ZFPM1: variants seen among roughly 807,000 people sequenced by gnomAD.
ZFPM1 encodes zinc finger protein, FOG family member 1.
Under a neutral mutation model 46.3 loss-of-function variants are expected in ZFPM1, and 28 were observed. The ratio of observed to expected loss-of-function variants is 0.60; its 90% CI spans 0.45 to 0.83. The LOEUF is 0.83. Among genes scored for constraint, ZFPM1 ranks in the 40% least tolerant of loss-of-function variants. The pLI, the probability that ZFPM1 is intolerant of heterozygous loss-of-function variation, is 0.00. For synonymous variants in ZFPM1, 957 were observed against 675.9 expected, an observed-to-expected ratio of 1.42 and a Z score of -6.45; for missense variants, 1,878 against 1,432.4, an observed-to-expected ratio of 1.31 and a Z score of -5.02.
intron 2 of ZFPM1, among the ~76,000 whole-genome samples, chr16:88,486,258 T>A (rs896312075): frequency 6.6e-6 from 1 of 152,226 alleles, no homozygotes; most frequent in Non-Finnish European, 1.5e-5. Flanking sequence ...ACCTGCTGCA[T>A]GTGCAGCCTG....
intron 3 of ZFPM1, among the ~76,000 whole-genome samples, chr16:88,500,599 G>A (rs546078884): frequency 6.6e-6 from 1 of 152,348 alleles, no homozygotes; most frequent in East Asian, 1.9e-4. Flanking sequence ...TAGGACTGTT[G>A]CTGCCAGCAG....
chr16:88,460,116 G>A lies in ZFPM1; in HGVS notation c.40+6438G>A, dbSNP rs553303426. 5.9e-5 allele frequency among the ~76,000 whole-genome samples: 9 copies of A among 152,176 alleles called. 1 individual carries two copies. The South Asian group carries it at 1.2e-3, about 21-fold the overall frequency. On this transcript the variant is annotated intron_variant, in intron 1 of 9. Coordinates refer to ENST00000319555, the MANE Select transcript of ZFPM1 (RefSeq NM_153813.3). ...TCTTGGGCTGGGGCTTCCCTTTGGC[G>A]AAGGCAGCGAGGAGGGGCTGAGATG...
chr16:88,488,238 C>A (rs887028923), intron 2 of ZFPM1, among the ~76,000 whole-genome samples: 1 of 151,756 alleles, frequency 6.6e-6, no homozygotes, highest in Non-Finnish European at 1.5e-5. Flanking sequence ...TGACCCGGGC[C>A]GGCTTCCCGG....
chr16:88,478,386 T>A (rs115850011), intron 1 of ZFPM1, among the ~76,000 whole-genome samples: 267 of 152,362 alleles, frequency 1.8e-3, no homozygotes, highest in African/African-American at 6.2e-3. Context: ...TGCAGGGCAC[T>A]CTTCCCGCCT....
At chr16:88,488,384 A>G (rs1359335946) in intron 2 of ZFPM1, among the ~76,000 whole-genome samples, 2 of 152,212 alleles carry the variant, frequency 1.3e-5, no homozygotes, top group African/African-American at 2.4e-5. Context: ...GGGCGCGATA[A>G]CACAGCAGCG....
rs986919190 is a variant in ZFPM1 at position 88,501,194 on chromosome 16, G to C, written c.268+12041G>C. On this transcript the variant is annotated intron_variant, in intron 3 of 9. Transcript: ENST00000319555. Reference sequence around the variant, plus strand: ...CAGACATGGGTGCGGGGGCCCTCCCGCAGGTGCTGGTGATGATGGAGATAG... The same window carrying C: ...CAGACATGGGTGCGGGGGCCCTCCCCCAGGTGCTGGTGATGATGGAGATAG... 1.1e-4 allele frequency among the ~76,000 whole-genome samples: 14 copies of C among 131,410 alleles called. 1 individual carries two copies. The highest frequency in any genetic ancestry group is 2.3e-4 in the Non-Finnish European group (14 of 61,790). The allele number at this position is 131,410 out of a possible 152,430, so 86.2% of individuals were successfully genotyped here. A position where few individuals can be genotyped will look rare whatever the true frequency, so the allele number is the denominator to read the frequency against.
chr16:88,527,510 G>A (rs1912436555), intron 5 of ZFPM1, among the ~76,000 whole-genome samples: 1 of 152,140 alleles, frequency 6.6e-6, no homozygotes, highest in Non-Finnish European at 1.5e-5. Flanking sequence ...GGGACAGGCT[G>A]TGGTGCGCGT....
chr16:88,455,208 G>A (rs992495855), intron 1 of ZFPM1, among the ~76,000 whole-genome samples: 5 of 151,304 alleles, frequency 3.3e-5, no homozygotes, highest in African/African-American at 1.2e-4. Context: ...AGATAGCTCG[G>A]ACAGGGAGAT....
chr16:88,459,057 G>A (rs144363651), intron 1 of ZFPM1, among the ~76,000 whole-genome samples: 21 of 152,352 alleles, frequency 1.4e-4, no homozygotes, highest in Admixed American at 3.9e-4. Flanking sequence ...TGAGCCCCTC[G>A]TTAGGGCCTG....
At chr16:88,526,340 G>A (rs1912318322) in intron 4 of ZFPM1, among the ~76,000 whole-genome samples, 1 of 152,218 alleles carries the variant, frequency 6.6e-6, no homozygotes, top group Non-Finnish European at 1.5e-5. Flanking sequence ...AGGTCATTCT[G>A]GAGGCATCTA....
chr16:88,523,972 G>T (rs981790964), intron 4 of ZFPM1, among the ~76,000 whole-genome samples: 1 of 152,236 alleles, frequency 6.6e-6, no homozygotes, highest in African/African-American at 2.4e-5. Context: ...AAAATCGGGG[G>T]TGCGTGCAGC....
intron 3 of ZFPM1, among the ~76,000 whole-genome samples, chr16:88,495,027 G>A (rs913126407): frequency 2.6e-5 from 4 of 151,928 alleles, no homozygotes; most frequent in Non-Finnish European, 5.9e-5. Context: ...CCCTGCACGC[G>A]CTCGGGAGCA....
At chr16:88,456,031 C>A (rs1907544307) in intron 1 of ZFPM1, among the ~76,000 whole-genome samples, 2 of 152,122 alleles carry the variant, frequency 1.3e-5, no homozygotes, top group Middle Eastern at 6.3e-3. Flanking sequence ...TGGAGAACAG[C>A]GCGGGGGCGC....
intron 3 of ZFPM1, among the ~76,000 whole-genome samples, chr16:88,490,811 G>A (rs549028570): frequency 9.3e-4 from 142 of 152,252 alleles, no homozygotes; most frequent in African/African-American, 3.1e-3. Flanking sequence ...CGGTCCTCAC[G>A]GGCTCCCCCT....
rs139067439 is a variant in ZFPM1, at chr16:88,502,064, C to CATTCATT, written c.269-12323_269-12322insATTCATT. The stretch of plus-strand genomic sequence containing the variant: ...CCGACGCGGCTCCACCCGCCCCCCC[C>CATTCATT]CATTTATTTATTTATTTATTTATTT... On this transcript the variant is annotated intron_variant, in intron 3 of 9. Coordinates refer to ENST00000319555, the MANE Select transcript of ZFPM1 (RefSeq NM_153813.3). Among the ~76,000 whole-genome samples, 38 of 127,386 alleles carry CATTCATT rather than the reference C, an allele frequency of 3.0e-4. 1 individual carries two copies. Among genetic ancestry groups the CATTCATT allele is most frequent in the African/African-American group, 1.0e-3 (34 of 33,930 alleles). 83.6% of individuals were successfully genotyped at this position (127,386 alleles called of 152,430 possible). A position where few individuals can be genotyped will look rare whatever the true frequency, so the allele number is the denominator to read the frequency against.
chr16:88,509,986 AG>A (rs1910864204), intron 3 of ZFPM1, among the ~76,000 whole-genome samples: 1 of 152,060 alleles, frequency 6.6e-6, no homozygotes, highest in African/African-American at 2.4e-5. Flanking sequence ...CCAGGGGTGA[AG>A]GCCAAGTCCC....
intron 2 of ZFPM1, among the ~76,000 whole-genome samples, chr16:88,487,502 G>A (rs1254152829): frequency 6.6e-6 from 1 of 152,198 alleles, no homozygotes. Flanking sequence ...AGGAGGCAGT[G>A]ACAGCAGGTC....
chr16:88,463,917 T>C (rs1908011127), intron 1 of ZFPM1, among the ~76,000 whole-genome samples: 1 of 152,072 alleles, frequency 6.6e-6, no homozygotes, highest in Non-Finnish European at 1.5e-5. Context: ...CTTAGAAATG[T>C]AGGAAAGAGA....
intron 1 of ZFPM1, among the ~76,000 whole-genome samples, chr16:88,476,177 G>A (rs527673802): frequency 1.1e-3 from 161 of 152,056 alleles, no homozygotes; most frequent in Non-Finnish European, 1.7e-3. Context: ...CCACCCCAGG[G>A]TGAGCAGGCT....
Sources: allele counts gnomAD v4.1 joint callset (sites outside exome capture counted in the v4.1 genomes callset), GRCh38; gene constraint gnomAD v4.1.1; transcripts MANE v1.5; gene names NCBI Gene and HGNC (gene_info 2026-07-23, HGNC 2026-07-21).